Variants in ADCY5 observed in about 807,000 individuals in gnomAD.
ADCY5 encodes the protein adenylate cyclase type 5.
ADCY5 carries 30 observed loss-of-function variants against 119.7 expected under a neutral mutation model. The ratio of observed to expected loss-of-function variants is 0.25; its 90% CI spans 0.19 to 0.34. ADCY5 has a LOEUF of 0.34. Ranked by LOEUF, ADCY5 falls within the 10% of genes least tolerant of loss-of-function variation. ADCY5 has a pLI of 1.00. For synonymous variants in ADCY5, 753 were observed against 762.2 expected (o/e 0.99, Z 0.20); for missense variants, 1,324 against 1,775.2 (o/e 0.75, Z 4.57).
In ADCY5 at chr3:123,347,762, TC is replaced by T. The variant is rs768722497; in HGVS notation, c.1406+19del. On this transcript the variant is annotated intron_variant, in intron 3 of 20. Coordinates refer to ENST00000462833, the MANE Select transcript of ADCY5 (RefSeq NM_183357.3). ...CAGCTCTCCCTCCCTTCCATCCTCC[TC>T]CCCCAGCTTCACCCCTACCTCACGT... 77 of 1,613,482 alleles carry T rather than the reference TC, an allele frequency of 4.8e-5. No homozygotes were observed. In the African/African-American group the frequency reaches 7.5e-4, roughly 16 times the overall value.
chr3:123,290,467 C>T (rs1939074703), intron 18 of ADCY5, among the ~76,000 whole-genome samples: 2 of 152,224 alleles, frequency 1.3e-5, no homozygotes, highest in South Asian at 2.1e-4. Flanking sequence ...ATGCCCAGGC[C>T]CGGCGTGCCC....
intron 1 of ADCY5, among the ~76,000 whole-genome samples, chr3:123,393,662 A>G (rs1944460382): frequency 6.6e-6 from 1 of 152,190 alleles, no homozygotes; most frequent in African/African-American, 2.4e-5. Flanking sequence ...AAGTGCCCAT[A>G]TGGCCCGGCA....
At chr3:123,388,026 A>C (rs1944282018) in intron 1 of ADCY5, among the ~76,000 whole-genome samples, 1 of 152,242 alleles carries the variant, frequency 6.6e-6, no homozygotes, top group African/African-American at 2.4e-5. Context: ...AGGGACAGAA[A>C]GCATTCTAGA....
intron 1 of ADCY5, among the ~76,000 whole-genome samples, chr3:123,368,694 G>A (rs1272693694): frequency 2.6e-5 from 4 of 151,602 alleles, no homozygotes; most frequent in Admixed American, 6.6e-5. Flanking sequence ...AGAGGTTGCA[G>A]TGAGTTTAGA....
intron 3 of ADCY5, among the ~76,000 whole-genome samples, chr3:123,340,034 A>C (rs1020454066): frequency 2.6e-5 from 4 of 152,210 alleles, no homozygotes; most frequent in Non-Finnish European, 4.4e-5. Flanking sequence ...TCATGCCTAT[A>C]ATCCCAGCAC....
chr3:123,371,283 A>G (rs2107532072), intron 1 of ADCY5, among the ~76,000 whole-genome samples: 1 of 152,340 alleles, frequency 6.6e-6, no homozygotes, highest in East Asian at 1.9e-4. Flanking sequence ...TTCTCCTACA[A>G]AATAGGGATG....
chr3:123,359,773 A>C (rs2108523072), intron 1 of ADCY5, among the ~76,000 whole-genome samples: 1 of 152,320 alleles, frequency 6.6e-6, no homozygotes, highest in Admixed American at 6.5e-5. Flanking sequence ...AAAGACAGGC[A>C]CAACTCCTTC....
intron 12 of ADCY5, among the ~76,000 whole-genome samples, chr3:123,308,577 CCCAGCACTTTGGGA>C (rs1470450005): frequency 2.6e-5 from 4 of 152,032 alleles, no homozygotes; most frequent in Non-Finnish European, 5.9e-5. Context: ...TGCCTGTAAT[CCCAGCACTTTGGGA>C]GGCCGAGGCA....
chr3:123,314,938 T>G (rs1306444341), intron 11 of ADCY5, among the ~76,000 whole-genome samples: 1 of 151,938 alleles, frequency 6.6e-6, no homozygotes, highest in Non-Finnish European at 1.5e-5. Context: ...CCTCGATTCC[T>G]AGCCAGTTCA....
chr3:123,438,436 A>C (rs1483407241), intron 1 of ADCY5, among the ~76,000 whole-genome samples: 1 of 152,104 alleles, frequency 6.6e-6, no homozygotes, highest in Non-Finnish European at 1.5e-5. Flanking sequence ...CGGTCTGAAA[A>C]TATTCACTGG....
intron 1 of ADCY5, among the ~76,000 whole-genome samples, chr3:123,407,555 C>T (rs970837357): frequency 1.4e-5 from 2 of 140,834 alleles, no homozygotes; most frequent in Non-Finnish European, 3.0e-5. Context: ...AGGTTAAGAC[C>T]AGCCTGGGCA....
chr3:123,380,866 G>C (rs901084179), intron 1 of ADCY5, among the ~76,000 whole-genome samples: 7 of 152,232 alleles, frequency 4.6e-5, no homozygotes, highest in Non-Finnish European at 1.0e-4. Context: ...AGAGATACTT[G>C]CCAGGAGAGG....
chr3:123,370,117 TA>T (rs1943583516), intron 1 of ADCY5, among the ~76,000 whole-genome samples: 1 of 152,106 alleles, frequency 6.6e-6, no homozygotes, highest in Admixed American at 6.5e-5. Context: ...TAGAAGACTA[TA>T]AAAACAGCCA....
At chr3:123,349,239 A>G (rs1269887324) in intron 2 of ADCY5, among the ~76,000 whole-genome samples, 1 of 152,188 alleles carries the variant, frequency 6.6e-6, no homozygotes. Flanking sequence ...TGCCTGGGAC[A>G]GCCCCATTCT....
intron 1 of ADCY5, among the ~76,000 whole-genome samples, chr3:123,388,729 G>C (rs1944310956): frequency 6.6e-6 from 1 of 152,178 alleles, no homozygotes; most frequent in Non-Finnish European, 1.5e-5. Context: ...ATGGGAGTGG[G>C]GCCAGAGCAA....
chr3:123,310,374 C>T (rs1329093872), intron 12 of ADCY5, among the ~76,000 whole-genome samples: 1 of 152,098 alleles, frequency 6.6e-6, no homozygotes, highest in Non-Finnish European at 1.5e-5. Context: ...CCAGGGAGTC[C>T]AGTGGAACAT....
chr3:123,405,566 C>T (rs1056564438), intron 1 of ADCY5, among the ~76,000 whole-genome samples: 3 of 152,182 alleles, frequency 2.0e-5, no homozygotes, highest in African/African-American at 4.8e-5. Flanking sequence ...ATGCAAGGCC[C>T]GTGGCCTTCC....
At chr3:123,311,855 C>G (rs1701588765) in intron 12 of ADCY5, among the ~76,000 whole-genome samples, 1 of 152,180 alleles carries the variant, frequency 6.6e-6, no homozygotes, top group Admixed American at 6.5e-5. Flanking sequence ...GCCCCTCCCC[C>G]ACCCAAGGAA....
At chr3:123,428,955 C>T (rs1280431247) in intron 1 of ADCY5, among the ~76,000 whole-genome samples, 5 of 152,186 alleles carry the variant, frequency 3.3e-5, no homozygotes, top group Non-Finnish European at 1.5e-5. Context: ...ACTGTGCAAC[C>T]TTAAGCAAGT....
Sources: allele counts gnomAD v4.1 joint callset (sites outside exome capture counted in the v4.1 genomes callset), GRCh38; gene constraint gnomAD v4.1.1; transcripts MANE v1.5; gene names NCBI Gene and HGNC (gene_info 2026-07-23, HGNC 2026-07-21).